Variants in EMCN observed in about 807,000 individuals in gnomAD.
EMCN encodes endomucin, also known as MUC-14.
In EMCN, 37 loss-of-function variants were observed where a neutral mutation model predicts 38.4. The ratio of observed to expected loss-of-function variants is 0.96; its 90% CI spans 0.74 to 1.27. The LOEUF is 1.27. EMCN is among the 50% of genes most tolerant of loss of function. EMCN has a pLI of 0.00. For missense variants in EMCN, 318 were observed against 302.8 expected (o/e 1.05, Z -0.37); for synonymous variants, 95 against 100.8 (o/e 0.94, Z 0.35).
chr4:100,513,469 G>A (rs1288782931), intron 1 of EMCN, among the ~76,000 whole-genome samples: 2 of 152,046 alleles, frequency 1.3e-5, no homozygotes, highest in Non-Finnish European at 1.5e-5. Context: ...AAGCCATTTT[G>A]TATTTTTGAG....
chr4:100,510,867 T>A (rs1256077556), intron 1 of EMCN, among the ~76,000 whole-genome samples: 1 of 152,190 alleles, frequency 6.6e-6, no homozygotes, highest in Admixed American at 6.5e-5. Flanking sequence ...AAGTCCCATA[T>A]TAGCTTCACT....
chr4:100,454,121 T>C (rs1284549484), intron 4 of EMCN, among the ~76,000 whole-genome samples: 6 of 151,230 alleles, frequency 4.0e-5, no homozygotes, highest in Admixed American at 6.6e-5. Flanking sequence ...CATGTATAGA[T>C]ATGTAAGAAA....
intron 5 of EMCN, among the ~76,000 whole-genome samples, chr4:100,440,053 T>TGTGA (rs200198378): frequency 0.11 from 16,273 of 152,012 alleles, 2,050 homozygotes; most frequent in East Asian, 0.56. Flanking sequence ...ATATGGCCTA[T>TGTGA]CCCAGGGAAT....
In EMCN at chr4:100,506,264, A is replaced by G. The variant is rs187136082; in HGVS notation, c.64+11587T>C. Among the ~76,000 whole-genome samples, 61 of 152,322 alleles carry G rather than the reference A, an allele frequency of 4.0e-4. No homozygotes were observed. The East Asian group carries it at 8.5e-3, about 21-fold the overall frequency. Reference sequence around the variant, plus strand: ...TTTAAAATTCTGAGATTGAGCTGGCAAGCCTAGTTAATTGTAGAAAAAGGC... The same window carrying G: ...TTTAAAATTCTGAGATTGAGCTGGCGAGCCTAGTTAATTGTAGAAAAAGGC... On this transcript the variant is annotated intron_variant, in intron 1 of 11. Coordinates refer to ENST00000296420, the MANE Select transcript of EMCN (RefSeq NM_016242.4).
intron 1 of EMCN, among the ~76,000 whole-genome samples, chr4:100,508,684 G>A (rs932892905): frequency 4.6e-5 from 7 of 152,112 alleles, no homozygotes; most frequent in African/African-American, 1.4e-4. Flanking sequence ...TCCTAGTGGG[G>A]GTGGGGACTA....
chr4:100,442,377 T>C (rs554751080), intron 5 of EMCN, among the ~76,000 whole-genome samples: 1 of 152,324 alleles, frequency 6.6e-6, no homozygotes, highest in East Asian at 1.9e-4. Context: ...AGGATCTCTT[T>C]GGGTTGTATA....
chr4:100,427,451 CTCT>C (rs1727081536), intron 5 of EMCN, among the ~76,000 whole-genome samples: 3 of 130,970 alleles, frequency 2.3e-5, no homozygotes, highest in Admixed American at 1.5e-4. Context: ...TTCTCTCTCT[CTCT>C]TTTTTTTTTT....
intron 11 of EMCN, among the ~76,000 whole-genome samples, chr4:100,402,915 C>T (rs1334770227): frequency 6.6e-6 from 1 of 151,948 alleles, no homozygotes; most frequent in Non-Finnish European, 1.5e-5. Flanking sequence ...AAAAACAGCC[C>T]TTTACTAGCC....
intron 1 of EMCN, among the ~76,000 whole-genome samples, chr4:100,490,125 C>T (rs1729038711): frequency 6.8e-6 from 1 of 147,208 alleles, no homozygotes. Context: ...CTGTGTATGG[C>T]TAGGCTAATA....
intron 1 of EMCN, among the ~76,000 whole-genome samples, chr4:100,517,141 AT>A (rs1371653745): frequency 3.9e-5 from 6 of 152,110 alleles, no homozygotes; most frequent in Non-Finnish European, 7.4e-5. Context: ...CGTTCTTGAA[AT>A]TGTCCATTGA....
intron 4 of EMCN, among the ~76,000 whole-genome samples, chr4:100,460,184 G>T (rs900819422): frequency 1.3e-5 from 2 of 152,058 alleles, no homozygotes; most frequent in Admixed American, 6.6e-5. Flanking sequence ...TAGTAATGTT[G>T]GGAATATTTT....
intron 8 of EMCN, among the ~76,000 whole-genome samples, chr4:100,419,505 C>T (rs764750769): frequency 7.9e-5 from 12 of 152,022 alleles, no homozygotes; most frequent in South Asian, 2.1e-4. Flanking sequence ...CCATGGAAAC[C>T]GCTTTAATAG....
intron 4 of EMCN, among the ~76,000 whole-genome samples, chr4:100,454,231 C>G (rs1178165569): frequency 8.5e-6 from 1 of 118,114 alleles, no homozygotes; most frequent in Non-Finnish European, 1.7e-5. Context: ...TGTTTTCAAG[C>G]CATTAGCAAA....
intron 1 of EMCN, among the ~76,000 whole-genome samples, chr4:100,489,327 A>G (rs1729018832): frequency 6.6e-6 from 1 of 152,200 alleles, no homozygotes; most frequent in Non-Finnish European, 1.5e-5. Context: ...AAATGTAACA[A>G]ATTAGGGTAT....
intron 1 of EMCN, among the ~76,000 whole-genome samples, chr4:100,483,903 A>G (rs1442052101): frequency 6.6e-6 from 1 of 152,098 alleles, no homozygotes; most frequent in Non-Finnish European, 1.5e-5. Context: ...TTTCCTCTGT[A>G]TGTCAAAATG....
intron 1 of EMCN, among the ~76,000 whole-genome samples, chr4:100,492,901 G>A (rs1729122292): frequency 6.6e-6 from 1 of 152,172 alleles, no homozygotes; most frequent in Non-Finnish European, 1.5e-5. Context: ...TATCAGCTAT[G>A]TGACCATATG....
At chr4:100,432,296 A>G (rs1727225272) in intron 5 of EMCN, among the ~76,000 whole-genome samples, 1 of 152,112 alleles carries the variant, frequency 6.6e-6, no homozygotes, top group Admixed American at 6.6e-5. Context: ...GGATACCTCA[A>G]CCACAGCCAA....
At chr4:100,420,464 G>T (rs1358796078) in intron 8 of EMCN, among the ~76,000 whole-genome samples, 1 of 152,012 alleles carries the variant, frequency 6.6e-6, no homozygotes, top group Non-Finnish European at 1.5e-5. Flanking sequence ...ATGGATACAT[G>T]CTACTACATT....
At chr4:100,505,878 G>C (rs557494245) in intron 1 of EMCN, among the ~76,000 whole-genome samples, 1 of 152,018 alleles carries the variant, frequency 6.6e-6, no homozygotes, top group South Asian at 2.1e-4. Context: ...TTATAATTTT[G>C]GATTATGTAT....
Sources: gnomAD v4.1 joint callset for allele counts (sites outside exome capture counted in the v4.1 genomes callset) on GRCh38, gnomAD v4.1.1 for gene constraint, MANE v1.5 for transcripts, NCBI Gene and HGNC (gene_info 2026-07-23, HGNC 2026-07-21) for gene names.